IGSF23: variants seen among roughly 807,000 people sequenced by gnomAD.
IGSF23 encodes immunoglobulin superfamily member 23.
IGSF23 carries 14 observed loss-of-function variants against 17.8 expected under a neutral mutation model. The observed-to-expected ratio is 0.79, with a 90% CI of 0.52 to 1.23. The LOEUF (loss-of-function observed/expected upper bound fraction) is 1.23, where lower values mean the gene tolerates loss of function less well. Ranked by LOEUF, IGSF23 falls within the 50% of genes most tolerant of loss-of-function variation. The probability of loss-of-function intolerance (pLI) is 0.00; values close to 1 mark genes in which losing one functional copy is unlikely to be tolerated. For missense variants in IGSF23, 214 were observed against 241.7 expected (o/e 0.89, Z 0.76); for synonymous variants, 85 against 92.5 (o/e 0.92, Z 0.46).
chr19:44,635,337 G>T, intron 3 of IGSF23, 64 bp from the exon 4 acceptor site: 2 of 1,268,768 alleles, frequency 1.6e-6, no homozygotes, highest in Non-Finnish European at 2.2e-6. Flanking sequence ...TAATTCAGTC[G>T]ATGATTCTTA....
At position 44,636,493 on chromosome 19, in the gene IGSF23, G is replaced by T. The variant is rs144928608; in HGVS notation, c.*106G>T. On this transcript the variant is annotated 3_prime_UTR_variant, in exon 5 of 5. Coordinates refer to ENST00000402988, the MANE Select transcript of IGSF23 (RefSeq NM_001205280.2). The stretch of plus-strand genomic sequence containing the variant: ...TAGCTTCCAAGTCTACAACATCTCT[G>T]TTCAAGGGAACAACCCAACGTAACC... The T allele has an allele frequency of 6.6e-6, 1 of 152,094 alleles. No homozygotes were observed. Among genetic ancestry groups the T allele is most frequent in the African/African-American group, 2.4e-5 (1 of 41,412 alleles). 9.4% of individuals were successfully genotyped at this position (152,094 alleles called of 1,614,324 possible). A position where few individuals can be genotyped will look rare whatever the true frequency, so the allele number is the denominator to read the frequency against.
chr19:44,618,068 C>T (rs551267449), intron 1 of IGSF23: 4 of 470,942 alleles, frequency 8.5e-6, no homozygotes, highest in South Asian at 6.2e-5. Context: ...CTTCCCTGCT[C>T]TTCCAAGGCG....
chr19:44,624,223 TTCC>T (rs35551910), intron 2 of IGSF23, among the ~76,000 whole-genome samples: 43,796 of 148,706 alleles, frequency 0.29, 6,754 homozygotes, highest in Non-Finnish European at 0.34. Flanking sequence ...TCTCCTTCTT[TTCC>T]TCCTCCTCCT....
chr19:44,613,857 T>C (rs1319456984), intron 1 of IGSF23, 87 bp downstream of exon 1: 11 of 1,547,422 alleles, frequency 7.1e-6, no homozygotes, highest in Non-Finnish European at 9.6e-6. Flanking sequence ...CAGACGCGAC[T>C]GTACAGGTCT....
At chr19:44,620,329 T>G (rs1025708793) in intron 1 of IGSF23, among the ~76,000 whole-genome samples, 1 of 147,560 alleles carries the variant, frequency 6.8e-6, no homozygotes, top group Non-Finnish European at 1.5e-5. Flanking sequence ...TTCTGTGATT[T>G]GATGACTAAT....
At chr19:44,628,634 C>T (rs1029090466) in intron 3 of IGSF23, among the ~76,000 whole-genome samples, 3 of 152,028 alleles carry the variant, frequency 2.0e-5, no homozygotes, top group Non-Finnish European at 4.4e-5. Flanking sequence ...CACTTATAGT[C>T]CCAGCTACTC....
At chr19:44,622,604 T>C (rs896406113) in intron 1 of IGSF23, among the ~76,000 whole-genome samples, 44 of 152,080 alleles carry the variant, frequency 2.9e-4, no homozygotes, top group Non-Finnish European at 3.1e-4. Flanking sequence ...ATAGCCAGAG[T>C]GAGCCTGTTC....
intron 3 of IGSF23, among the ~76,000 whole-genome samples, chr19:44,631,386 G>A (rs1312952120): frequency 2.6e-5 from 4 of 152,084 alleles, no homozygotes; most frequent in African/African-American, 4.8e-5. Context: ...CTAGGAGTTC[G>A]AGACCAGCCT....
chr19:44,617,921 C>A (rs890333047), intron 1 of IGSF23, among the ~76,000 whole-genome samples: 14 of 152,172 alleles, frequency 9.2e-5, no homozygotes, highest in African/African-American at 3.4e-4. Flanking sequence ...GGGACCCCAA[C>A]AACACAGCTC....
At chr19:44,632,525 TC>T (rs1972791376) in intron 3 of IGSF23, 1 of 154,558 alleles carries the variant, frequency 6.5e-6, no homozygotes, top group African/African-American at 2.4e-5. Context: ...AACCGGGGGG[TC>T]CTCAGGATCC....
chr19:44,618,151 A>G (rs112143668), intron 1 of IGSF23: 6 of 471,118 alleles, frequency 1.3e-5, no homozygotes. Context: ...ACCTTGACCG[A>G]AGGAGCCAGT....
At chr19:44,621,814 T>C (rs997869933) in intron 1 of IGSF23, among the ~76,000 whole-genome samples, 6 of 152,166 alleles carry the variant, frequency 3.9e-5, no homozygotes, top group South Asian at 4.1e-4. Context: ...ATAATATTTC[T>C]TTTCATGTTT....
chr19:44,618,401 C>G (rs1455888306), intron 1 of IGSF23, among the ~76,000 whole-genome samples: 2 of 152,148 alleles, frequency 1.3e-5, no homozygotes, highest in African/African-American at 4.8e-5. Context: ...TGTGACGGAG[C>G]AGATCCATGT....
intron 1 of IGSF23, among the ~76,000 whole-genome samples, chr19:44,622,224 A>G (rs1157458347): frequency 6.6e-6 from 1 of 151,372 alleles, no homozygotes; most frequent in Admixed American, 6.6e-5. Flanking sequence ...AAAAAAAAAA[A>G]GAGCCCAATC....
At chr19:44,627,964 A>T (rs1416619337) in intron 3 of IGSF23, among the ~76,000 whole-genome samples, 10 of 109,756 alleles carry the variant, frequency 9.1e-5, no homozygotes, top group African/African-American at 3.0e-4. Context: ...TTTTTTTTTG[A>T]GATGGAGTCT....
rs1017537447 is a variant in IGSF23, at chr19:44,627,468, C to G, written c.440C>G (p.Thr147Ser). ...GCAGAGCCCATGGAGCCAGACCCCA[C>G]TCTGTCCCTGTCAGGAGGCTCTGCC... is the stretch of plus-strand genomic sequence containing the variant. ...TEAEPMEPDP[T>S]LSLSGGSAIG... Residue 147 changes from threonine (T) to serine (S), a missense_variant, in exon 3 of 5, where the codon ACT becomes AGT. Coordinates refer to ENST00000402988, the MANE Select transcript of IGSF23 (RefSeq NM_001205280.2). 5 of 1,550,466 alleles carry G rather than the reference C, an allele frequency of 3.2e-6. No individual in the cohort carries two copies. The Admixed American group carries it at 5.9e-5, about 18-fold the overall frequency.
chr19:44,619,897 G>A (rs1423994891), intron 1 of IGSF23, among the ~76,000 whole-genome samples: 2 of 152,164 alleles, frequency 1.3e-5, no homozygotes, highest in African/African-American at 4.8e-5. Context: ...ATATATGTTT[G>A]GTGGGGGACT....
intron 2 of IGSF23, among the ~76,000 whole-genome samples, chr19:44,626,303 A>G (rs1466074340): frequency 6.6e-6 from 1 of 152,156 alleles, no homozygotes; most frequent in African/African-American, 2.4e-5. Context: ...TGTAAATCTT[A>G]TATCACCTAG....
rs1233229952 is a variant in IGSF23 at position 44,627,537 on chromosome 19, T to C, written c.509T>C (p.Ile170Thr). ...GGGATCCTGGGAGCCGGGGCACTGATTGCAGGCATGTGTTTCATCATCATC... is the reference window on the plus strand; with the variant it reads ...GGGATCCTGGGAGCCGGGGCACTGACTGCAGGCATGTGTTTCATCATCATC... ...AAGILGAGAL[I>T]AGMCFIIIQS... is the part of the protein sequence containing the mutation. Residue 170 changes from isoleucine to threonine, a missense_variant, in exon 3 of 5, where the codon ATT becomes ACT. Ile to Thr is a moderately conservative substitution (Grantham distance 89). Transcript: ENST00000402988. 3 of 1,550,384 alleles carry C rather than the reference T, an allele frequency of 1.9e-6. No homozygotes were observed. Among genetic ancestry groups the C allele is most frequent in the Admixed American group, 3.9e-5 (2 of 50,964 alleles).
Sources: allele counts gnomAD v4.1 joint callset (sites outside exome capture counted in the v4.1 genomes callset), GRCh38; gene constraint gnomAD v4.1.1; transcripts MANE v1.5; gene names NCBI Gene and HGNC (gene_info 2026-07-23, HGNC 2026-07-21).